Variants in ENPEP observed in about 807,000 individuals in gnomAD.
ENPEP encodes glutamyl aminopeptidase.
Under a neutral mutation model 114.5 loss-of-function variants are expected in ENPEP, and 103 were observed. That is an observed-to-expected ratio of 0.90 (90% CI 0.77 to 1.06). The LOEUF (loss-of-function observed/expected upper bound fraction) is 1.06, where lower values mean the gene tolerates loss of function less well. Among genes scored for constraint, ENPEP ranks in the 50% least tolerant of loss-of-function variants. The pLI, the probability that ENPEP is intolerant of heterozygous loss-of-function variation, is 0.00. For synonymous variants in ENPEP, 420 were observed against 422.0 expected, an observed-to-expected ratio of 1.00 and a Z score of 0.06; for missense variants, 1,196 against 1,161.3, an observed-to-expected ratio of 1.03 and a Z score of -0.43.
chr4:110,492,846 T>C (rs868490615), intron 3 of ENPEP, among the ~76,000 whole-genome samples: 2 of 152,348 alleles, frequency 1.3e-5, no homozygotes, highest in South Asian at 2.1e-4. Context: ...CTGAAGCTGC[T>C]TTCTTCATCA....
chr4:110,495,705 A>T (rs151237088), intron 3 of ENPEP, among the ~76,000 whole-genome samples: 402 of 152,328 alleles, frequency 2.6e-3, no homozygotes, highest in Non-Finnish European at 4.4e-3. Flanking sequence ...TGGGTGACAG[A>T]GCAAGACTCG....
chr4:110,476,274 A>T lies in ENPEP; in HGVS notation c.-141A>T. 9.8e-7 allele frequency: 1 copy of T among 1,015,704 alleles called. No homozygotes were observed. The highest frequency in any genetic ancestry group is 2.5e-5 in the East Asian group (1 of 39,876). 62.9% of individuals were successfully genotyped at this position (1,015,704 alleles called of 1,614,324 possible). On this transcript the variant is annotated 5_prime_UTR_variant, in exon 1 of 20. It adds an upstream start codon to the 5' untranslated region. Transcript: ENST00000265162. ...AAAAGGGAGAGGAAAAGGCGCAAGA[A>T]GCCAGAGAGAGGGGTGTGGGAAAAG...
In ENPEP at chr4:110,476,595, C is replaced by T. The variant is rs1322658279; in HGVS notation, c.181C>T (p.Pro61Ser). The T allele has an allele frequency of 1.2e-5, 19 of 1,614,124 alleles. No individual in the cohort carries two copies. The highest frequency in any genetic ancestry group is 1.5e-5 in the Non-Finnish European group (18 of 1,179,992). Reference sequence around the variant, plus strand: ...CACTGCGCCAGCTCCTTCCCACCTGCCTTCTTCCACGGCCAGCCCCTCAGG... The same window carrying T: ...CACTGCGCCAGCTCCTTCCCACCTGTCTTCTTCCACGGCCAGCCCCTCAGG... ...PGTAPAPSHL[P>S]SSTASPSGPP... The change falls in exon 1 of 20, where the codon CCT becomes TCT. Residue 61 changes from proline to serine, a missense_variant. By Grantham distance (74) the Pro-to-Ser change is moderately conservative. Transcript: ENST00000265162.
chr4:110,554,684 T>G (rs886379549), intron 18 of ENPEP, among the ~76,000 whole-genome samples: 1 of 152,038 alleles, frequency 6.6e-6, no homozygotes, highest in African/African-American at 2.4e-5. Context: ...TCATGCAAGG[T>G]AATACCCTCC....
At chr4:110,489,418 G>C (rs960215699) in intron 2 of ENPEP, among the ~76,000 whole-genome samples, 4 of 152,052 alleles carry the variant, frequency 2.6e-5, no homozygotes, top group Admixed American at 2.6e-4. Flanking sequence ...AGGGGTGGGG[G>C]GCTAGGGGAG....
At chr4:110,558,032 ATTTT>A (rs201439917) in intron 18 of ENPEP, among the ~76,000 whole-genome samples, 11,111 of 103,192 alleles carry the variant, frequency 0.11, 615 homozygotes, top group South Asian at 0.2. Flanking sequence ...ATATGGTAGG[ATTTT>A]TTTTTTTTTT....
In ENPEP at chr4:110,542,898, G is replaced by A; in HGVS notation, c.1944+11G>A. 5 of 1,611,368 alleles carry A rather than the reference G, an allele frequency of 3.1e-6. No individual in the cohort carries two copies. The highest frequency in any genetic ancestry group is 4.2e-6 in the Non-Finnish European group (5 of 1,178,890). ...TCCTTGAACCACAAGGTAAGAGATA[G>A]CAATGGTTGGAAACTTTTATTTTTG... On this transcript the variant is annotated intron_variant, in intron 12 of 19. Transcript: ENST00000265162.
intron 3 of ENPEP, among the ~76,000 whole-genome samples, chr4:110,495,554 C>G (rs1724896072): frequency 6.6e-6 from 1 of 152,046 alleles, no homozygotes; most frequent in Admixed American, 6.6e-5. Flanking sequence ...AACCCTGTCT[C>G]TACTAAAAAT....
chr4:110,502,904 CT>C (rs1047204115), intron 3 of ENPEP, among the ~76,000 whole-genome samples: 4 of 151,116 alleles, frequency 2.6e-5, no homozygotes, highest in Non-Finnish European at 4.4e-5. Context: ...TCGATGTTTT[CT>C]TTTTTTTTAA....
At position 110,563,208 on chromosome 4, in the gene ENPEP, TA is replaced by T. The variant is rs953303084; in HGVS notation, c.*1651del. ...TCAGAACCAGCACTTGAAGTCTATG[TA>T]TTGTTTCAAGTAGGACATATTATGA... On this transcript the variant is annotated 3_prime_UTR_variant, in exon 20 of 20. Transcript: ENST00000265162. 2 of 152,198 alleles carry T rather than the reference TA, an allele frequency of 1.3e-5. No homozygotes were observed. The highest frequency in any genetic ancestry group is 4.8e-5 in the African/African-American group (2 of 41,454). 9.4% of individuals were successfully genotyped at this position (152,198 alleles called of 1,614,324 possible).
intron 10 of ENPEP, among the ~76,000 whole-genome samples, chr4:110,521,802 A>C (rs747208654): frequency 6.6e-6 from 1 of 152,178 alleles, no homozygotes; most frequent in Non-Finnish European, 1.5e-5. Flanking sequence ...CAGGGCAAAC[A>C]CACATAGAGC....
chr4:110,556,010 C>G (rs1287316554), intron 18 of ENPEP, among the ~76,000 whole-genome samples: 1 of 151,976 alleles, frequency 6.6e-6, no homozygotes, highest in Admixed American at 6.6e-5. Flanking sequence ...AGTTTTCACT[C>G]AGCATATTCA....
chr4:110,555,211 C>T (rs1727429300), intron 18 of ENPEP, among the ~76,000 whole-genome samples: 2 of 151,920 alleles, frequency 1.3e-5, no homozygotes, highest in South Asian at 2.1e-4. Context: ...TTCAAATGGC[C>T]CCAAATGTAA....
rs901641909 is a variant in ENPEP at position 110,533,017 on chromosome 4, T to C, written c.1807+1740T>C. 3 of 420,192 alleles carry C rather than the reference T, an allele frequency of 7.1e-6. No homozygotes were observed. In the Admixed American group the frequency reaches 8.0e-5, roughly 11 times the overall value. The allele number at this position is 420,192 out of a possible 1,614,324, so 26.0% of individuals were successfully genotyped here. ...AAAAGACATAATAAGAACGTTAGAA[T>C]TCCACTGGAAGGTTTTCAGTGGATT... On this transcript the variant is annotated intron_variant, in intron 11 of 19. Transcript: ENST00000265162.
At chr4:110,531,772 C>T (rs113912948) in intron 11 of ENPEP, among the ~76,000 whole-genome samples, 208 of 152,030 alleles carry the variant, frequency 1.4e-3, no homozygotes, top group African/African-American at 4.7e-3. Flanking sequence ...AACCTTCTCA[C>T]GAAATTCCAG....
chr4:110,533,830 G>C (rs1362992369), intron 11 of ENPEP, among the ~76,000 whole-genome samples: 1 of 152,084 alleles, frequency 6.6e-6, no homozygotes, highest in Non-Finnish European at 1.5e-5. Context: ...GAGCTTATTT[G>C]TTATTGTTGT....
chr4:110,522,504 A>G (rs1020685880), intron 10 of ENPEP, among the ~76,000 whole-genome samples: 8 of 152,126 alleles, frequency 5.3e-5, no homozygotes, highest in Non-Finnish European at 7.4e-5. Flanking sequence ...TAAAAGGAAA[A>G]CAGAGAAACT....
In ENPEP at chr4:110,476,224, A is replaced by G. The variant is rs1724090376; in HGVS notation, c.-191A>G. The stretch of plus-strand genomic sequence containing the variant: ...TTCCACCCCCCTTGTTTCCGCATTC[A>G]TCCTGAGTGGCTGGTGGGAACGTGA... On this transcript the variant is annotated 5_prime_UTR_variant, in exon 1 of 20. Coordinates refer to ENST00000265162, the MANE Select transcript of ENPEP (RefSeq NM_001977.4). The G allele has an allele frequency of 9.4e-6, 6 of 637,018 alleles. No homozygotes were observed. The highest frequency in any genetic ancestry group is 1.5e-5 in the Non-Finnish European group (6 of 393,492). The allele number at this position is 637,018 out of a possible 1,614,324, so 39.5% of individuals were successfully genotyped here. A position where few individuals can be genotyped will look rare whatever the true frequency, so the allele number is the denominator to read the frequency against.
chr4:110,516,918 T>C (rs1438935236), intron 8 of ENPEP, among the ~76,000 whole-genome samples: 1 of 152,158 alleles, frequency 6.6e-6, no homozygotes, highest in Non-Finnish European at 1.5e-5. Context: ...AATGTTATCA[T>C]ATATTCCCTC....
Sources: gnomAD v4.1 joint callset for allele counts (sites outside exome capture counted in the v4.1 genomes callset) on GRCh38, gnomAD v4.1.1 for gene constraint, MANE v1.5 for transcripts, NCBI Gene and HGNC (gene_info 2026-07-23, HGNC 2026-07-21) for gene names.